FARSB: variants seen among roughly 807,000 people sequenced by gnomAD.
The protein encoded by FARSB is phenylalanyl-tRNA synthetase subunit beta, also known as phenylalanine--tRNA ligase beta subunit.
Under a neutral mutation model 69.6 loss-of-function variants are expected in FARSB, and 40 were observed. The ratio of observed to expected loss-of-function variants is 0.57; its 90% CI spans 0.45 to 0.75. The LOEUF (loss-of-function observed/expected upper bound fraction) is 0.75, where lower values mean the gene tolerates loss of function less well. Among genes scored for constraint, FARSB ranks in the 30% least tolerant of loss-of-function variants. The probability of loss-of-function intolerance (pLI) is 0.00; values close to 1 mark genes in which losing one functional copy is unlikely to be tolerated. For missense variants in FARSB, 632 were observed against 722.9 expected, an observed-to-expected ratio of 0.87 and a Z score of 1.44; for synonymous variants, 235 against 247.2, an observed-to-expected ratio of 0.95 and a Z score of 0.46.
intron 10 of FARSB, among the ~76,000 whole-genome samples, chr2:222,626,660 G>A (rs1691283287): frequency 6.6e-6 from 1 of 152,174 alleles, no homozygotes; most frequent in South Asian, 2.1e-4. Flanking sequence ...GAGGAGAAGA[G>A]TGAACCAAAT....
intron 10 of FARSB, 36 bp from the exon 11 acceptor site, chr2:222,624,811 C>G (rs1691226410): frequency 7.8e-7 from 1 of 1,282,434 alleles, no homozygotes; most frequent in African/African-American, 1.5e-5. Context: ...AAATCATTTC[C>G]CATCAGATAC....
At chr2:222,640,044 A>T (rs1248984378) in intron 4 of FARSB, among the ~76,000 whole-genome samples, 1 of 152,262 alleles carries the variant, frequency 6.6e-6, no homozygotes, top group Non-Finnish European at 1.5e-5. Flanking sequence ...TGTTTTAAAC[A>T]TGCATTGGAT....
chr2:222,639,573 C>T lies in FARSB; in HGVS notation c.455+7G>A, dbSNP rs1209369517. 6.9e-7 allele frequency: 1 copy of T among 1,446,370 alleles called. No homozygotes were observed. The highest frequency in any genetic ancestry group is 1.4e-5 in the African/African-American group (1 of 70,996). 89.6% of individuals were successfully genotyped at this position (1,446,370 alleles called of 1,614,324 possible). The stretch of plus-strand genomic sequence containing the variant: ...AGGCAAGGAAGAAAGAAAATGCAAC[C>T]ACAAACCTGCAAATATTCTGATGTA... On this transcript the variant is annotated splice_region_variant and intron_variant, in intron 5 of 16. Transcript: ENST00000281828.
At chr2:222,596,283 G>A (rs549057175) in intron 16 of FARSB, among the ~76,000 whole-genome samples, 1 of 152,254 alleles carries the variant, frequency 6.6e-6, no homozygotes, top group East Asian at 1.9e-4. Context: ...AGGTTAATGC[G>A]AAGATCAATC....
At chr2:222,615,957 G>C (rs1471413930) in intron 14 of FARSB, among the ~76,000 whole-genome samples, 1 of 152,110 alleles carries the variant, frequency 6.6e-6, no homozygotes, top group African/African-American at 2.4e-5. Flanking sequence ...TACTGTTATA[G>C]AAAACTTTTC....
At chr2:222,629,951 G>A (rs1429984510) in intron 9 of FARSB, among the ~76,000 whole-genome samples, 162 bp downstream of exon 9, 4 of 151,940 alleles carry the variant, frequency 2.6e-5, no homozygotes, top group Non-Finnish European at 5.9e-5. Flanking sequence ...GTGTTGCCCA[G>A]GCTGGTCTTG....
chr2:222,600,336 T>C (rs1475462962), intron 15 of FARSB, among the ~76,000 whole-genome samples: 1 of 151,996 alleles, frequency 6.6e-6, no homozygotes, highest in Admixed American at 6.6e-5. Flanking sequence ...AAGGCTTCAC[T>C]GAGGTATAAG....
intron 1 of FARSB, among the ~76,000 whole-genome samples, chr2:222,650,336 T>G (rs2106017043): frequency 6.6e-6 from 1 of 152,284 alleles, no homozygotes. Context: ...GGCAAAAACA[T>G]GATTAGATCT....
intron 16 of FARSB, among the ~76,000 whole-genome samples, chr2:222,576,532 T>C (rs1689844273): frequency 6.6e-6 from 1 of 152,172 alleles, no homozygotes; most frequent in Non-Finnish European, 1.5e-5. Flanking sequence ...ATAGATATTG[T>C]AAGCCACTGG....
chr2:222,586,366 A>G (rs1690112922), intron 16 of FARSB, among the ~76,000 whole-genome samples: 1 of 152,226 alleles, frequency 6.6e-6, no homozygotes, highest in Non-Finnish European at 1.5e-5. Context: ...GGAAGCACTA[A>G]ACATGGAAAG....
chr2:222,623,572 T>A, intron 13 of FARSB, 78 bp downstream of exon 13: 1 of 859,590 alleles, frequency 1.2e-6, no homozygotes. Flanking sequence ...TATAAATTCT[T>A]ATAAAGCATC....
intron 16 of FARSB, among the ~76,000 whole-genome samples, chr2:222,589,426 G>A (rs1255104547): frequency 6.6e-6 from 1 of 152,060 alleles, no homozygotes; most frequent in Non-Finnish European, 1.5e-5. Flanking sequence ...TAAAACCTAG[G>A]CAATACCATT....
intron 16 of FARSB, among the ~76,000 whole-genome samples, chr2:222,574,984 T>G (rs1023733731): frequency 2.6e-5 from 4 of 152,224 alleles, no homozygotes; most frequent in Admixed American, 2.6e-4. Context: ...TTAGTGCTTT[T>G]GAAAACCTTT....
chr2:222,592,521 A>G (rs1440551376), intron 16 of FARSB, among the ~76,000 whole-genome samples: 4 of 152,040 alleles, frequency 2.6e-5, no homozygotes, highest in African/African-American at 9.7e-5. Context: ...TCACATGTAT[A>G]AGATAAAAAC....
intron 3 of FARSB, among the ~76,000 whole-genome samples, chr2:222,641,323 A>G (rs1691713742): frequency 6.6e-6 from 1 of 152,254 alleles, no homozygotes; most frequent in South Asian, 2.1e-4. Flanking sequence ...AACAGAGCTT[A>G]TGGAAAATAC....
intron 1 of FARSB, among the ~76,000 whole-genome samples, chr2:222,655,782 C>G (rs1051921463): frequency 6.6e-6 from 1 of 152,224 alleles, no homozygotes; most frequent in Non-Finnish European, 1.5e-5. Flanking sequence ...GATGGCAGAT[C>G]GCTGAATGAA....
chr2:222,580,509 A>T (rs1433694602), intron 16 of FARSB, among the ~76,000 whole-genome samples: 1 of 150,812 alleles, frequency 6.6e-6, no homozygotes, highest in Non-Finnish European at 1.5e-5. Flanking sequence ...AAAAAAAAAT[A>T]GTGCTACATA....
chr2:222,626,761 C>T (rs1036012690), intron 10 of FARSB, among the ~76,000 whole-genome samples: 8 of 152,092 alleles, frequency 5.3e-5, no homozygotes, highest in East Asian at 1.9e-4. Context: ...AGGCTGGATG[C>T]GGTGGCTCAC....
chr2:222,650,082 A>G (rs1412383064), intron 1 of FARSB, among the ~76,000 whole-genome samples: 1 of 152,242 alleles, frequency 6.6e-6, no homozygotes, highest in East Asian at 1.9e-4. Context: ...CTGGCACAAA[A>G]GAAGTAATCA....
Sources: gnomAD v4.1 joint callset for allele counts (sites outside exome capture counted in the v4.1 genomes callset) on GRCh38, gnomAD v4.1.1 for gene constraint, MANE v1.5 for transcripts, NCBI Gene and HGNC (gene_info 2026-07-23, HGNC 2026-07-21) for gene names.